Variants in SUMF1 observed in about 807,000 individuals in gnomAD.
The protein encoded by SUMF1 is sulfatase modifying factor 1.
In SUMF1, 48 loss-of-function variants were observed where a neutral mutation model predicts 47.6. The observed-to-expected ratio is 1.01, with a 90% CI of 0.80 to 1.28. The LOEUF (loss-of-function observed/expected upper bound fraction) is 1.28, where lower values mean the gene tolerates loss of function less well. SUMF1 is among the 50% of genes most tolerant of loss of function. The pLI, the probability that SUMF1 is intolerant of heterozygous loss-of-function variation, is 0.00. For missense variants in SUMF1, 571 were observed against 485.4 expected (o/e 1.18, Z -1.66); for synonymous variants, 230 against 192.1 (o/e 1.20, Z -1.63).
chr3:4,159,726 C>G (rs1371692220), intron 8 of SUMF1, among the ~76,000 whole-genome samples: 1 of 152,096 alleles, frequency 6.6e-6, no homozygotes, highest in Non-Finnish European at 1.5e-5. Flanking sequence ...TTTAGCATTT[C>G]TTATAGGACA....
chr3:4,289,036 T>C (rs1380665612), intron 8 of SUMF1, among the ~76,000 whole-genome samples: 2 of 152,352 alleles, frequency 1.3e-5, no homozygotes, highest in South Asian at 2.1e-4. Context: ...CTACAGTACA[T>C]AGCATAATTT....
intron 8 of SUMF1, among the ~76,000 whole-genome samples, chr3:4,375,868 T>G (rs966867141): frequency 2.6e-5 from 4 of 152,196 alleles, no homozygotes; most frequent in Non-Finnish European, 4.4e-5. Flanking sequence ...ATGATGCTTA[T>G]TTCACAAGGC....
intron 8 of SUMF1, among the ~76,000 whole-genome samples, chr3:4,115,094 C>T (rs540422675): frequency 7.2e-5 from 11 of 152,092 alleles, no homozygotes; most frequent in African/African-American, 2.4e-4. Flanking sequence ...ACCCCAAGAC[C>T]CTCGCGGGCA....
chr3:4,221,894 G>A lies in SUMF1; in HGVS notation c.1015-153149C>T, dbSNP rs75221252. 8.4e-3 allele frequency among the ~76,000 whole-genome samples: 1,275 copies of A among 151,990 alleles called. 22 individuals carry two copies. The highest frequency in any genetic ancestry group is 0.029 in the African/African-American group (1,213 of 41,478). Reference sequence around the variant, plus strand: ...TGTTAATAGTAATAATTGCTGGGGGGTAGAATTGTGATTTTTTTTCTTTTC... The same window carrying A: ...TGTTAATAGTAATAATTGCTGGGGGATAGAATTGTGATTTTTTTTCTTTTC... On this transcript the variant is annotated intron_variant and NMD_transcript_variant, in intron 8 of 12. Transcript: ENST00000448413.
At chr3:4,072,415 C>A (rs530731869) in intron 8 of SUMF1, among the ~76,000 whole-genome samples, 1 of 152,116 alleles carries the variant, frequency 6.6e-6, no homozygotes, top group Non-Finnish European at 1.5e-5. Flanking sequence ...AAAACCAAAA[C>A]GCCCCTTCTC....
At chr3:4,113,218 C>T (rs947658823) in intron 8 of SUMF1, among the ~76,000 whole-genome samples, 1 of 152,058 alleles carries the variant, frequency 6.6e-6, no homozygotes, top group African/African-American at 2.4e-5. Context: ...CAAGATCTCT[C>T]TTCTAGCTAC....
At chr3:4,354,814 C>A (rs890289908) in intron 8 of SUMF1, among the ~76,000 whole-genome samples, 1 of 152,134 alleles carries the variant, frequency 6.6e-6, no homozygotes, top group Non-Finnish European at 1.5e-5. Flanking sequence ...GGAACAAGTA[C>A]CTAGGAAGCA....
intron 8 of SUMF1, among the ~76,000 whole-genome samples, chr3:4,165,232 C>G (rs922601072): frequency 5.9e-5 from 9 of 152,164 alleles, no homozygotes; most frequent in Admixed American, 2.0e-4. Flanking sequence ...GACGTCTCTC[C>G]AAGTGAAGTC....
At chr3:4,294,681 G>A (rs1400970886) in intron 8 of SUMF1, among the ~76,000 whole-genome samples, 2 of 151,956 alleles carry the variant, frequency 1.3e-5, no homozygotes, top group African/African-American at 4.8e-5. Flanking sequence ...GGCTGCCCAG[G>A]TTTCTTCTTG....
At chr3:4,207,338 T>C (rs1041858516) in intron 8 of SUMF1, among the ~76,000 whole-genome samples, 3 of 152,176 alleles carry the variant, frequency 2.0e-5, no homozygotes, top group Admixed American at 6.6e-5. Context: ...CTTACCTCAT[T>C]GCACTGCCTC....
chr3:4,105,529 G>C lies in SUMF1; in HGVS notation c.1015-36784C>G, dbSNP rs567641569. On this transcript the variant is annotated intron_variant and NMD_transcript_variant, in intron 8 of 12. Transcript: ENST00000448413. ...ATCATTGAATGAAATACTGAAAAGA[G>C]GTAAGAAAAGCAGAATAATATCAAA... 2.0e-5 allele frequency among the ~76,000 whole-genome samples: 3 copies of C among 152,078 alleles called. No homozygotes were observed. The South Asian group carries it at 6.3e-4, about 32-fold the overall frequency.
intron 3 of SUMF1, among the ~76,000 whole-genome samples, chr3:4,425,150 G>A (rs1311983063): frequency 6.6e-6 from 1 of 152,172 alleles, no homozygotes; most frequent in Non-Finnish European, 1.5e-5. Context: ...ACAGTTTATA[G>A]TAGCATAGTG....
At chr3:4,394,208 T>A (rs1262220714) in intron 7 of SUMF1, among the ~76,000 whole-genome samples, 8 of 152,256 alleles carry the variant, frequency 5.3e-5, no homozygotes, top group Non-Finnish European at 1.0e-4. Flanking sequence ...CTTACTCTGT[T>A]ACCCAGGGTA....
chr3:4,386,673 T>C (rs1298709421), intron 7 of SUMF1, among the ~76,000 whole-genome samples: 1 of 152,098 alleles, frequency 6.6e-6, no homozygotes, highest in Non-Finnish European at 1.5e-5. Context: ...CATAGTTACC[T>C]TTTTCCCAAT....
At chr3:4,148,516 C>T (rs1371627898) in intron 8 of SUMF1, among the ~76,000 whole-genome samples, 1 of 152,134 alleles carries the variant, frequency 6.6e-6, no homozygotes, top group Non-Finnish European at 1.5e-5. Context: ...ATTCCCCTTC[C>T]TATCCCTCCC....
intron 8 of SUMF1, among the ~76,000 whole-genome samples, chr3:4,117,539 A>C (rs1693448948): frequency 6.6e-6 from 1 of 152,060 alleles, no homozygotes. Context: ...GTGGCTTCGT[A>C]AGACAGAGGC....
intron 8 of SUMF1, among the ~76,000 whole-genome samples, chr3:4,119,598 G>T (rs1693494404): frequency 6.6e-6 from 1 of 152,036 alleles, no homozygotes; most frequent in Non-Finnish European, 1.5e-5. Context: ...ATGAAGCCAT[G>T]CAGGGAAAAT....
Position 4,133,518 on chromosome 3 carries a change from G to C in SUMF1, c.1015-64773C>G, listed in dbSNP as rs114384444. On this transcript the variant is annotated intron_variant and NMD_transcript_variant, in intron 8 of 12. Transcript: ENST00000448413. ...GTTGCTGAAGGAGATTAACATTTGA[G>C]TCAGTGTGCTGCAAAAGGCAGACCC... is the stretch of plus-strand genomic sequence containing the variant. Among the ~76,000 whole-genome samples the C allele has an allele frequency of 9.2e-3, 1,402 of 152,154 alleles. 20 individuals are homozygous for C. The highest frequency in any genetic ancestry group is 0.031 in the African/African-American group (1,297 of 41,482).
At chr3:4,086,728 G>A (rs2125049636) in intron 8 of SUMF1, among the ~76,000 whole-genome samples, 1 of 152,166 alleles carries the variant, frequency 6.6e-6, no homozygotes, top group South Asian at 2.1e-4. Context: ...CATATTGTGG[G>A]AGGGATCCAG....
Sources: gnomAD v4.1 joint callset for allele counts (sites outside exome capture counted in the v4.1 genomes callset) on GRCh38, gnomAD v4.1.1 for gene constraint, MANE v1.5 for transcripts, NCBI Gene and HGNC (gene_info 2026-07-23, HGNC 2026-07-21) for gene names.